The following ANO3 variants were observed in gnomAD, a reference collection of about 807,000 sequenced individuals.
ANO3 encodes anoctamin 3, also known as anoctamin-3.
Under a neutral mutation model 144.8 loss-of-function variants are expected in ANO3, and 99 were observed. The ratio of observed to expected loss-of-function variants is 0.68; its 90% CI spans 0.58 to 0.81. ANO3 has a LOEUF of 0.81. Among genes scored for constraint, ANO3 ranks in the 30% least tolerant of loss-of-function variants. The probability of loss-of-function intolerance (pLI) is 0.00; values close to 1 mark genes in which losing one functional copy is unlikely to be tolerated. For synonymous variants in ANO3, 414 were observed against 392.6 expected, an observed-to-expected ratio of 1.05 and a Z score of -0.64; for missense variants, 905 against 1,202.2, an observed-to-expected ratio of 0.75 and a Z score of 3.66.
intron 1 of ANO3, among the ~76,000 whole-genome samples, chr11:26,197,602 C>T (rs1273567535): frequency 1.3e-5 from 2 of 152,054 alleles, no homozygotes; most frequent in Admixed American, 6.5e-5. Context: ...CCTCCCGCCT[C>T]GGCCTCCCAA....
intron 1 of ANO3, among the ~76,000 whole-genome samples, chr11:26,441,122 T>TTTTTTTG (rs1858500082): frequency 5.6e-5 from 7 of 123,972 alleles, no homozygotes; most frequent in Non-Finnish European, 6.8e-5. Context: ...TTTTTTTTTT[T>TTTTTTTG]TTTTTTTTTT....
At chr11:26,255,681 T>C (rs1343215907) in intron 1 of ANO3, among the ~76,000 whole-genome samples, 1 of 152,130 alleles carries the variant, frequency 6.6e-6, no homozygotes, top group Non-Finnish European at 1.5e-5. Context: ...TAGTGTAGAC[T>C]AGTGACTCTG....
At chr11:26,268,246 C>T (rs1050426795) in intron 1 of ANO3, among the ~76,000 whole-genome samples, 8 of 151,962 alleles carry the variant, frequency 5.3e-5, no homozygotes, top group African/African-American at 4.8e-5. Flanking sequence ...AGATCTTGTT[C>T]GAAAGAAAGT....
intron 14 of ANO3, among the ~76,000 whole-genome samples, chr11:26,583,126 C>A (rs920180310): frequency 6.6e-6 from 1 of 152,094 alleles, no homozygotes; most frequent in Non-Finnish European, 1.5e-5. Context: ...CAAGAGTTAC[C>A]TTTAGAGGGA....
chr11:26,242,112 G>C (rs1219098050), intron 1 of ANO3, among the ~76,000 whole-genome samples: 1 of 152,180 alleles, frequency 6.6e-6, no homozygotes, highest in Non-Finnish European at 1.5e-5. Flanking sequence ...AAGAGGGACT[G>C]ATGATAGTTG....
intron 12 of ANO3, among the ~76,000 whole-genome samples, chr11:26,552,263 G>A (rs1849953413): frequency 6.6e-6 from 1 of 151,990 alleles, no homozygotes; most frequent in African/African-American, 2.4e-5. Context: ...ACTTTGGCTT[G>A]AGATTATATA....
intron 4 of ANO3, among the ~76,000 whole-genome samples, chr11:26,499,729 G>A (rs531404187): frequency 2.6e-5 from 4 of 151,596 alleles, no homozygotes; most frequent in African/African-American, 9.7e-5. Context: ...TCCTATGTTA[G>A]CTTCTGTAAG....
intron 10 of ANO3, among the ~76,000 whole-genome samples, chr11:26,538,220 A>G (rs770262845): frequency 6.6e-6 from 1 of 152,128 alleles, no homozygotes; most frequent in African/African-American, 2.4e-5. Flanking sequence ...CCTTGCAACA[A>G]CCCTTTGAGA....
intron 1 of ANO3, among the ~76,000 whole-genome samples, chr11:26,356,351 T>G (rs2133919002): frequency 6.6e-6 from 1 of 152,292 alleles, no homozygotes; most frequent in East Asian, 1.9e-4. Context: ...AATGAAATTA[T>G]AGCTCATCCC....
intron 17 of ANO3, among the ~76,000 whole-genome samples, chr11:26,619,808 G>T (rs1464713883): frequency 6.6e-6 from 1 of 152,102 alleles, no homozygotes; most frequent in Non-Finnish European, 1.5e-5. Context: ...AATCTCCTTT[G>T]TTGGGCTAAG....
At position 26,339,545 on chromosome 11, in the gene ANO3, AGCAT is replaced by A. The variant is rs1216615953; in HGVS notation, c.46+7225_46+7228del. On this transcript the variant is annotated intron_variant, in intron 1 of 26. Transcript: ENST00000256737. The stretch of plus-strand genomic sequence containing the variant: ...GAATGAAACACTTAAACAGCTGAAA[AGCAT>A]TTCACTCCTGTCTAATTTTCACCAC... Among the ~76,000 whole-genome samples the A allele has an allele frequency of 1.3e-5, 2 of 152,206 alleles. 1 individual carries two copies. Among genetic ancestry groups the A allele is most frequent in the Non-Finnish European group, 2.9e-5 (2 of 68,038 alleles).
At chr11:26,591,857 C>T (rs1851461802) in intron 14 of ANO3, among the ~76,000 whole-genome samples, 2 of 152,032 alleles carry the variant, frequency 1.3e-5, no homozygotes, top group Admixed American at 6.5e-5. Context: ...TGGCAGTATC[C>T]AGGGTTTGAC....
intron 4 of ANO3, among the ~76,000 whole-genome samples, chr11:26,501,975 A>G (rs10834989): frequency 0.6 from 90,552 of 151,502 alleles, 27,704 homozygotes; most frequent in East Asian, 0.68. Context: ...ATCTTGTAAC[A>G]ACTCATTAAG....
intron 14 of ANO3, among the ~76,000 whole-genome samples, chr11:26,593,456 G>A (rs747778019): frequency 2.6e-5 from 4 of 152,212 alleles, no homozygotes; most frequent in South Asian, 4.2e-4. Flanking sequence ...ACAGATGTCC[G>A]GGGCAGGACA....
intron 4 of ANO3, among the ~76,000 whole-genome samples, chr11:26,467,840 T>G: frequency 6.6e-6 from 1 of 151,874 alleles, no homozygotes; most frequent in African/African-American, 2.4e-5. Flanking sequence ...CCTATGTGGC[T>G]AAGCAATTTA....
At chr11:26,514,926 AC>A (rs1861805343) in intron 5 of ANO3, among the ~76,000 whole-genome samples, 1 of 152,020 alleles carries the variant, frequency 6.6e-6, no homozygotes, top group African/African-American at 2.4e-5. Flanking sequence ...AAAAAAAGTC[AC>A]GGTCTTCTCT....
chr11:26,475,284 GC>G (rs1859919233), intron 4 of ANO3, among the ~76,000 whole-genome samples: 1 of 151,590 alleles, frequency 6.6e-6, no homozygotes, highest in Non-Finnish European at 1.5e-5. Flanking sequence ...ATGGTATTCA[GC>G]ATCACACTTT....
chr11:26,598,266 A>G (rs1851695729), intron 14 of ANO3, 99 bp from the exon 15 acceptor site: 1 of 521,278 alleles, frequency 1.9e-6, no homozygotes, highest in Non-Finnish European at 3.0e-6. Flanking sequence ...TATTATTTTC[A>G]TAATTTAATT....
At chr11:26,316,571 G>C (rs2133875240) in intron 1 of ANO3, among the ~76,000 whole-genome samples, 1 of 152,262 alleles carries the variant, frequency 6.6e-6, no homozygotes, top group South Asian at 2.1e-4. Context: ...AATAGAAGCA[G>C]GAAGTGAAAC....
Sources: allele counts gnomAD v4.1 joint callset (sites outside exome capture counted in the v4.1 genomes callset), GRCh38; gene constraint gnomAD v4.1.1; transcripts MANE v1.5; gene names NCBI Gene and HGNC (gene_info 2026-07-23, HGNC 2026-07-21).